Variants in ZNF165 observed in about 807,000 individuals in gnomAD.
ZNF165 encodes the protein zinc finger protein 165.
In ZNF165, 14 loss-of-function variants were observed where a neutral mutation model predicts 19.6. The ratio of observed to expected loss-of-function variants is 0.71; its 90% confidence interval spans 0.47 to 1.12. The LOEUF is 1.12. Ranked by LOEUF, ZNF165 falls within the 50% of genes most tolerant of loss-of-function variation. The pLI is 0.00. For missense variants in ZNF165, 504 were observed against 566.3 expected, an observed-to-expected ratio of 0.89 and a Z score of 1.12; for synonymous variants, 165 against 195.0, an observed-to-expected ratio of 0.85 and a Z score of 1.28.
intron 2 of ZNF165, 39 bp from the exon 3 acceptor site, chr6:28,086,133 G>T (rs752469923): frequency 5.7e-6 from 9 of 1,585,176 alleles, no homozygotes; most frequent in Non-Finnish European, 3.4e-6. Flanking sequence ...TTAACACAGG[G>T]ATTCTTTTAT....
In ZNF165 at chr6:28,088,791, C is replaced by T; in HGVS notation, c.779C>T (p.Thr260Ile). 2 of 1,614,036 alleles carry T rather than the reference C, an allele frequency of 1.2e-6. No homozygotes were observed. The highest frequency in any genetic ancestry group is 1.7e-6 in the Non-Finnish European group (2 of 1,180,020). ...GATGAAGGTTTTGGTAAAATCCTCACCCACAAAAATACAGTCAGAGGTGAA... is the reference window on the plus strand; with the variant it reads ...GATGAAGGTTTTGGTAAAATCCTCATCCACAAAAATACAGTCAGAGGTGAA... ...AQDEGFGKILTHKNTVRGEII... is the reference protein window; with the variant it reads ...AQDEGFGKILIHKNTVRGEII... The change falls in exon 4 of 4, where the codon ACC (threonine) becomes ATC (isoleucine). Residue 260 changes from threonine (T) to isoleucine (I), a missense_variant. Coordinates refer to ENST00000683778, the MANE Select transcript of ZNF165 (RefSeq NM_001376491.1).
At chr6:28,082,518 G>A (rs958536781) in intron 1 of ZNF165, among the ~76,000 whole-genome samples, 3 of 152,208 alleles carry the variant, frequency 2.0e-5, no homozygotes, top group Non-Finnish European at 4.4e-5. Context: ...AAAGGGATGG[G>A]CCGAAATAAA....
chr6:28,082,520 C>T (rs1764179924), intron 1 of ZNF165, among the ~76,000 whole-genome samples: 1 of 152,074 alleles, frequency 6.6e-6, no homozygotes, highest in African/African-American at 2.4e-5. Context: ...AGGGATGGGC[C>T]GAAATAAAGG....
Position 28,089,389 on chromosome 6 carries a change from T to G in ZNF165, c.1377T>G (p.Ser459Arg). The change falls in exon 4 of 4, where the codon AGT (serine) becomes AGG (arginine). Residue 459 changes from serine (S) to arginine (R), a missense_variant. By Grantham distance (110) the Ser-to-Arg change is moderately radical. Coordinates refer to ENST00000683778, the MANE Select transcript of ZNF165 (RefSeq NM_001376491.1). ...CTGGAGAAAAACCCTATGAATGCAG[T>G]GAGTGTGGAAGAGCCTTCAGTCAGA... is the stretch of plus-strand genomic sequence containing the variant. ...IHTGEKPYEC[S>R]ECGRAFSQSS... is the part of the protein sequence containing the mutation. The G allele has an allele frequency of 6.2e-7, 1 of 1,614,140 alleles. No homozygotes were observed. The highest frequency in any genetic ancestry group is 1.3e-5 in the African/African-American group (1 of 75,020).
At chr6:28,087,623 T>C (rs537853759) in intron 3 of ZNF165, among the ~76,000 whole-genome samples, 127 of 152,318 alleles carry the variant, frequency 8.3e-4, no homozygotes, top group African/African-American at 3.0e-3. Flanking sequence ...GTATATAAAA[T>C]TGTAAATTTC....
chr6:28,080,468 C>G (rs1764125807), upstream of ZNF165, among the ~76,000 whole-genome samples: 1 of 152,078 alleles, frequency 6.6e-6, no homozygotes, highest in South Asian at 2.1e-4. Flanking sequence ...AGCTCCGCCT[C>G]CCGGGTTCAA....
Position 28,080,784 on chromosome 6 carries a change from A to C in ZNF165, c.-187A>C, listed in dbSNP as rs1048514935. The C allele has an allele frequency of 6.6e-6, 1 of 152,152 alleles. No homozygotes were observed. Among genetic ancestry groups the C allele is most frequent in the African/African-American group, 2.4e-5 (1 of 41,388 alleles). The allele number at this position is 152,152 out of a possible 1,614,324, so 9.4% of individuals were successfully genotyped here. A position where few individuals can be genotyped will look rare whatever the true frequency, so the allele number is the denominator to read the frequency against. ...AAGATGCCCCCTCCTTCAAGCCCTG[A>C]GATCTTCAGGACTTTGGCGAAAAGT... On this transcript the variant is annotated 5_prime_UTR_variant, in exon 1 of 4. The change abolishes the stop of an existing upstream ORF in the 5' untranslated region. Transcript: ENST00000683778.
At chr6:28,081,266 A>G (rs539412156) in intron 1 of ZNF165, 1 of 152,324 alleles carries the variant, frequency 6.6e-6, no homozygotes, top group Non-Finnish European at 1.5e-5. Context: ...ATTTGGGGTC[A>G]CTGGTAAGAG....
chr6:28,084,940 G>A (rs1161845824), intron 1 of ZNF165, among the ~76,000 whole-genome samples: 1 of 152,088 alleles, frequency 6.6e-6, no homozygotes, highest in East Asian at 1.9e-4. Flanking sequence ...TCCCTCTTCT[G>A]TATTCCTACT....
intron 3 of ZNF165, among the ~76,000 whole-genome samples, chr6:28,088,065 G>A (rs149127140): frequency 1.3e-5 from 2 of 152,308 alleles, no homozygotes; most frequent in African/African-American, 4.8e-5. Flanking sequence ...TTAGAAGACT[G>A]ATTAACCATG....
Position 28,089,340 on chromosome 6 carries a change from T to A in ZNF165, c.1328T>A (p.Leu443His). 1 of 1,614,166 alleles carries A rather than the reference T, an allele frequency of 6.2e-7. No homozygotes were observed. The highest frequency in any genetic ancestry group is 8.5e-7 in the Non-Finnish European group (1 of 1,180,026). Reference sequence around the variant, plus strand: ...AAAACCTTCCGAGTGAGCTCACATCTTATTCGACACTTTAGAATTCACACT... The same window carrying A: ...AAAACCTTCCGAGTGAGCTCACATCATATTCGACACTTTAGAATTCACACT... Reference protein sequence around the residue: ...CGKTFRVSSHLIRHFRIHTGE... With the variant: ...CGKTFRVSSHHIRHFRIHTGE... Residue 443 changes from leucine (L) to histidine (H), a missense_variant, in exon 4 of 4, where the codon CTT becomes CAT. By Grantham distance (99) the Leu-to-His change is moderately conservative. Transcript: ENST00000683778.
Position 28,085,881 on chromosome 6 carries a change from C to T in ZNF165, c.401C>T (p.Ala134Val), listed in dbSNP as rs749099827. Reference protein sequence around the residue: ...LEDLERGTDEAVLQVQAHEHG... With the variant: ...LEDLERGTDEVVLQVQAHEHG... Reference sequence around the variant, plus strand: ...GATTTGGAGAGAGGCACTGATGAAGCAGTACTCCAGGTGCACAGGGGATGG... The same window carrying T: ...GATTTGGAGAGAGGCACTGATGAAGTAGTACTCCAGGTGCACAGGGGATGG... Residue 134 changes from alanine to valine, a missense_variant, in exon 2 of 4, where the codon GCA becomes GTA. Physicochemically the swap from Ala to Val is moderately conservative, Grantham distance 64. Transcript: ENST00000683778. The T allele has an allele frequency of 1.7e-5, 27 of 1,610,006 alleles. No homozygotes were observed. In the East Asian group the frequency reaches 5.1e-4, roughly 31 times the overall value.
In ZNF165 at chr6:28,088,720, A is replaced by G. The variant is rs1474113338; in HGVS notation, c.708A>G (p.Gln236=). 1 of 1,614,162 alleles carries G rather than the reference A, an allele frequency of 6.2e-7. No individual in the cohort carries two copies. Among genetic ancestry groups the G allele is most frequent in the South Asian group, 1.1e-5 (1 of 91,076 alleles). The change falls in exon 4 of 4, where the codon CAA becomes CAG. Residue 236 remains glutamine (Q), a synonymous_variant. Transcript: ENST00000683778. ...ICKSAGRVKR[Q]WEKESGESQR... ...AGTCTGCAGGCAGGGTAAAGAGACA[A>G]TGGGAAAAAGAATCAGGGGAGTCTC... is the stretch of plus-strand genomic sequence containing the variant.
In ZNF165 at chr6:28,088,996, C is replaced by A. The variant is rs1195055148; in HGVS notation, c.984C>A (p.Ser328Arg). The change falls in exon 4 of 4, where the codon AGC (serine) becomes AGA (arginine). Residue 328 changes from serine to arginine, a missense_variant. Coordinates refer to ENST00000683778, the MANE Select transcript of ZNF165 (RefSeq NM_001376491.1). ...ACCAATATGGAAAATCTTTCAAGAG[C>A]CCAAAACTTGCTAAACATGCAGCAG... ...KNHQYGKSFKSPKLAKHAAVF... is the reference protein window; with the variant it reads ...KNHQYGKSFKRPKLAKHAAVF... 1 of 1,614,116 alleles carries A rather than the reference C, an allele frequency of 6.2e-7. No individual in the cohort carries two copies. Among genetic ancestry groups the A allele is most frequent in the Non-Finnish European group, 8.5e-7 (1 of 1,180,028 alleles).
intron 1 of ZNF165, among the ~76,000 whole-genome samples, chr6:28,082,499 A>C (rs1212980026): frequency 6.6e-6 from 1 of 152,220 alleles, no homozygotes; most frequent in Non-Finnish European, 1.5e-5. Context: ...AGTATTCCTT[A>C]CGGGAAATAA....
At chr6:28,086,084 G>T in intron 2 of ZNF165, 88 bp from the exon 3 acceptor site, 1 of 1,538,662 alleles carries the variant, frequency 6.5e-7, no homozygotes, top group African/African-American at 1.4e-5. Flanking sequence ...CCCCAGTTTT[G>T]CATTTCTATG....
chr6:28,085,723 G>T lies in ZNF165; in HGVS notation c.243G>T (p.Glu81Asp), dbSNP rs201370001. 1 of 1,613,910 alleles carries T rather than the reference G, an allele frequency of 6.2e-7. No individual in the cohort carries two copies. Among genetic ancestry groups the T allele is most frequent in the African/African-American group, 1.3e-5 (1 of 75,058 alleles). The change falls in exon 2 of 4, where the codon GAG becomes GAT. Residue 81 changes from glutamate to aspartate, a missense_variant. Coordinates refer to ENST00000683778, the MANE Select transcript of ZNF165 (RefSeq NM_001376491.1). Reference sequence around the variant, plus strand: ...TCTGCTGTCAGTGGCTGAAGCCAGAGATCCATACCAAGGAACAGATTCTGG... The same window carrying T: ...TCTGCTGTCAGTGGCTGAAGCCAGATATCCATACCAAGGAACAGATTCTGG... ...RELCCQWLKPEIHTKEQILEL... is the reference protein window; with the variant it reads ...RELCCQWLKPDIHTKEQILEL...
chr6:28,089,282 A>G lies in ZNF165; in HGVS notation c.1270A>G (p.Arg424Gly). Residue 424 changes from arginine to glycine, a missense_variant, in exon 4 of 4, where the codon AGA (arginine) becomes GGA (glycine). Physicochemically the swap from Arg to Gly is moderately radical, Grantham distance 125. Coordinates refer to ENST00000683778, the MANE Select transcript of ZNF165 (RefSeq NM_001376491.1). ...HLIRHQRIHT[R>G]EKPYECSECG... is the part of the protein sequence containing the mutation. Reference sequence around the variant, plus strand: ...TATCAGGCATCAGAGAATTCACACCAGAGAGAAACCCTACGAGTGTAGTGA... The same window carrying G: ...TATCAGGCATCAGAGAATTCACACCGGAGAGAAACCCTACGAGTGTAGTGA... 1 of 1,614,146 alleles carries G rather than the reference A, an allele frequency of 6.2e-7. No individual in the cohort carries two copies. Among genetic ancestry groups the G allele is most frequent in the Non-Finnish European group, 8.5e-7 (1 of 1,180,004 alleles).
Position 28,088,718 on chromosome 6 carries a change from C to A in ZNF165, c.706C>A (p.Gln236Lys), listed in dbSNP as rs1187693776. The change falls in exon 4 of 4, where the codon CAA (glutamine) becomes AAA (lysine). Residue 236 changes from glutamine to lysine, a missense_variant. Transcript: ENST00000683778. ...ICKSAGRVKRQWEKESGESQR... is the reference protein window; with the variant it reads ...ICKSAGRVKRKWEKESGESQR... ...TAAGTCTGCAGGCAGGGTAAAGAGA[C>A]AATGGGAAAAAGAATCAGGGGAGTC... The A allele has an allele frequency of 1.2e-6, 2 of 1,614,036 alleles. No individual in the cohort carries two copies. The highest frequency in any genetic ancestry group is 2.2e-5 in the South Asian group (2 of 91,072).
Sources: gnomAD v4.1 joint callset for allele counts (sites outside exome capture counted in the v4.1 genomes callset) on GRCh38, gnomAD v4.1.1 for gene constraint, MANE v1.5 for transcripts, NCBI Gene and HGNC (gene_info 2026-07-23, HGNC 2026-07-21) for gene names.